Variants in DUSP16 observed in about 807,000 individuals in gnomAD.
DUSP16 encodes the protein dual specificity protein phosphatase 16.
Under a neutral mutation model 58.3 loss-of-function variants are expected in DUSP16, and 21 were observed. The observed-to-expected ratio is 0.36, with a 90% CI of 0.26 to 0.52. The LOEUF (loss-of-function observed/expected upper bound fraction) is 0.52. Among genes scored for constraint, DUSP16 ranks in the 20% least tolerant of loss-of-function variants. The pLI, the probability that DUSP16 is intolerant of heterozygous loss-of-function variation, is 0.94. For synonymous variants in DUSP16, 320 were observed against 323.8 expected (o/e 0.99, Z 0.12); for missense variants, 726 against 819.0 (o/e 0.89, Z 1.39).
Position 12,477,703 on chromosome 12 carries a change from C to T in DUSP16, c.1128G>A (p.Leu376=), listed in dbSNP as rs763053694. Residue 376 remains leucine (L), a synonymous_variant, in exon 7 of 7, where the codon CTG becomes CTA. Transcript: ENST00000298573. This position sits in a 1 kb window ranked among gnomAD's most constrained non-coding sequence, Gnocchi z 4.1. Reference sequence around the variant, plus strand: ...GGTGCAGCCCACTGAGCGCCTGTACCAGCGGGCTGTCCTCTAACAGCGACG... The same window carrying T: ...GGTGCAGCCCACTGAGCGCCTGTACTAGCGGGCTGTCCTCTAACAGCGACG... ...VQPSLLEDSP[L]VQALSGLHLS... 2 of 1,613,222 alleles carry T rather than the reference C, an allele frequency of 1.2e-6. No individual in the cohort carries two copies. The highest frequency in any genetic ancestry group is 1.7e-6 in the Non-Finnish European group (2 of 1,179,470).
chr12:12,489,247 C>G (rs978639281), intron 4 of DUSP16, among the ~76,000 whole-genome samples: 18 of 152,214 alleles, frequency 1.2e-4, no homozygotes, highest in Non-Finnish European at 2.4e-4. Context: ...TTCTGATGGT[C>G]TCATGCTTCT....
rs976749661 is a variant in DUSP16, at chr12:12,513,397, T to C, written c.367+6465A>G. ...TCTCAAAAAGACTGAGAAAGAGCTA[T>C]TACAAAAAGAGCCTTTCAGAATAAG... On this transcript the variant is annotated intron_variant, in intron 3 of 6. Coordinates refer to ENST00000298573, the MANE Select transcript of DUSP16 (RefSeq NM_030640.3). Among the ~76,000 whole-genome samples the C allele has an allele frequency of 2.0e-5, 3 of 152,170 alleles. No homozygotes were observed. The East Asian group carries it at 5.8e-4, about 29-fold the overall frequency.
intron 5 of DUSP16, among the ~76,000 whole-genome samples, chr12:12,482,281 TA>T (rs530289119): frequency 6.6e-6 from 1 of 152,226 alleles, no homozygotes; most frequent in Non-Finnish European, 1.5e-5. Flanking sequence ...GAGATTTTAA[TA>T]AAAAAAGAAG....
rs576186156 is a variant in DUSP16, at chr12:12,542,152, G to A, written c.-366+19965C>T. On this transcript the variant is annotated intron_variant, in intron 1 of 6. Coordinates refer to ENST00000298573, the MANE Select transcript of DUSP16 (RefSeq NM_030640.3). Reference sequence around the variant, plus strand: ...AGCACTTTCAGAGGCCGAGGTGGGCGGATCACCTCAGGTTGGGAGTTAGGT... The same window carrying A: ...AGCACTTTCAGAGGCCGAGGTGGGCAGATCACCTCAGGTTGGGAGTTAGGT... Among the ~76,000 whole-genome samples, 125 of 152,172 alleles carry A rather than the reference G, an allele frequency of 8.2e-4. 1 individual carries two copies. Among genetic ancestry groups the A allele is most frequent in the African/African-American group, 2.8e-3 (118 of 41,536 alleles).
At chr12:12,540,947 T>C (rs1168322125) in intron 1 of DUSP16, among the ~76,000 whole-genome samples, 1 of 48,496 alleles carries the variant, frequency 2.1e-5, no homozygotes, top group Non-Finnish European at 4.3e-5. Flanking sequence ...TTCTTTTCTT[T>C]TCTTTTTTTT....
At chr12:12,538,271 A>G (rs1944499709) in intron 1 of DUSP16, among the ~76,000 whole-genome samples, 1 of 152,224 alleles carries the variant, frequency 6.6e-6, no homozygotes, top group Admixed American at 6.5e-5. Flanking sequence ...TGGAGGACAT[A>G]GAGGCATAAA....
chr12:12,537,027 G>A (rs893463621), intron 1 of DUSP16, among the ~76,000 whole-genome samples: 17 of 152,134 alleles, frequency 1.1e-4, no homozygotes, highest in Non-Finnish European at 4.4e-5. Flanking sequence ...TGGGCAACAA[G>A]AGCAAAACTC....
At chr12:12,479,373 T>TA in intron 6 of DUSP16, among the ~76,000 whole-genome samples, 1 of 152,150 alleles carries the variant, frequency 6.6e-6, no homozygotes, top group Non-Finnish European at 1.5e-5. Flanking sequence ...AGGGTGCTCA[T>TA]AATGAGACTT....
intron 1 of DUSP16, among the ~76,000 whole-genome samples, chr12:12,557,428 G>C (rs1419251736): frequency 6.8e-6 from 1 of 147,538 alleles, no homozygotes; most frequent in Non-Finnish European, 1.5e-5. Flanking sequence ...CTGCACTCCA[G>C]CCTGGCGACA....
chr12:12,530,139 A>G (rs923610243), intron 1 of DUSP16, among the ~76,000 whole-genome samples: 4 of 152,164 alleles, frequency 2.6e-5, no homozygotes, highest in Non-Finnish European at 5.9e-5. Context: ...CTAACAGTGT[A>G]TAAGGGTTTT....
At chr12:12,497,605 T>C (rs2136208766) in intron 4 of DUSP16, among the ~76,000 whole-genome samples, 1 of 152,012 alleles carries the variant, frequency 6.6e-6, no homozygotes, top group Non-Finnish European at 1.5e-5. Flanking sequence ...ATGGGAAACA[T>C]TATGATTCTC....
At chr12:12,484,625 A>T (rs1451817991) in intron 5 of DUSP16, among the ~76,000 whole-genome samples, 1 of 151,810 alleles carries the variant, frequency 6.6e-6, no homozygotes, top group Non-Finnish European at 1.5e-5. Context: ...TATTTTTTTT[A>T]TTTTTATTTT....
chr12:12,521,599 GAACA>G (rs1302148999), intron 1 of DUSP16, 136 bp from the exon 2 acceptor site: 15 of 247,830 alleles, frequency 6.1e-5, no homozygotes, highest in African/African-American at 2.5e-4. Flanking sequence ...TGCTTCATTT[GAACA>G]AACAAATAAA....
intron 4 of DUSP16, among the ~76,000 whole-genome samples, chr12:12,495,373 C>A (rs1002398041): frequency 6.6e-6 from 1 of 152,030 alleles, no homozygotes; most frequent in Non-Finnish European, 1.5e-5. Flanking sequence ...AGACATACTC[C>A]CCCTAAGGAT....
At chr12:12,520,079 C>T in intron 2 of DUSP16, 79 bp from the exon 3 acceptor site, 1 of 1,463,442 alleles carries the variant, frequency 6.8e-7, no homozygotes, top group Non-Finnish European at 9.5e-7. Flanking sequence ...CTCACATTTA[C>T]CAGTGCTGGG....
chr12:12,483,294 A>T (rs574825913), intron 5 of DUSP16, among the ~76,000 whole-genome samples: 1 of 152,364 alleles, frequency 6.6e-6, no homozygotes, highest in South Asian at 2.1e-4. Context: ...AACAATTTTT[A>T]AAATACTTAT....
chr12:12,489,590 A>T (rs1003236753), intron 4 of DUSP16, among the ~76,000 whole-genome samples: 19 of 152,218 alleles, frequency 1.2e-4, no homozygotes, highest in African/African-American at 4.6e-4. Flanking sequence ...TATCCACTCA[A>T]TTCAATAATG....
At position 12,476,786 on chromosome 12, in the gene DUSP16, G is replaced by C; in HGVS notation, c.*47C>G. On this transcript the variant is annotated 3_prime_UTR_variant, in exon 7 of 7. Transcript: ENST00000298573. The stretch of plus-strand genomic sequence containing the variant: ...TCAGATTTACAGGGAATTTTTTTGT[G>C]AACAAGAAAAAAAAATTGTCTATAG... The C allele has an allele frequency of 1.3e-6, 2 of 1,501,010 alleles. No homozygotes were observed. The highest frequency in any genetic ancestry group is 1.8e-6 in the Non-Finnish European group (2 of 1,128,988). 93.0% of individuals were successfully genotyped at this position (1,501,010 alleles called of 1,614,324 possible).
At chr12:12,533,844 T>C (rs1944427277) in intron 1 of DUSP16, among the ~76,000 whole-genome samples, 3 of 152,260 alleles carry the variant, frequency 2.0e-5, no homozygotes, top group Admixed American at 1.3e-4. Flanking sequence ...TTCCTACTTG[T>C]ATAATGAGGA....
Sources: gnomAD v4.1 joint callset for allele counts (sites outside exome capture counted in the v4.1 genomes callset) on GRCh38, gnomAD v4.1.1 for gene constraint, Gnocchi (gnomAD v3.1) non-coding constraint, MANE v1.5 for transcripts, NCBI Gene and HGNC (gene_info 2026-07-23, HGNC 2026-07-21) for gene names.